The following MGAT4C variants were observed in gnomAD, a reference collection of about 807,000 sequenced individuals.
The protein encoded by MGAT4C is alpha-1,3-mannosyl-glycoprotein 4-beta-N-acetylglucosaminyltransferase C.
A neutral mutation model predicts 40.1 loss-of-function variants in MGAT4C; 19 were observed. The ratio of observed to expected loss-of-function variants is 0.47; its 90% CI spans 0.33 to 0.70. MGAT4C has a LOEUF of 0.70. MGAT4C is among the 30% of genes least tolerant of loss of function. The pLI is 0.02. For synonymous variants in MGAT4C, 181 were observed against 187.1 expected (o/e 0.97, Z 0.27); for missense variants, 491 against 563.2 (o/e 0.87, Z 1.30).
At chr12:86,163,821 A>G (rs1885881293) in intron 1 of MGAT4C, among the ~76,000 whole-genome samples, 2 of 152,170 alleles carry the variant, frequency 1.3e-5, no homozygotes, top group Admixed American at 1.3e-4. Context: ...ATTTTCATCT[A>G]TCAATCAATT....
intron 4 of MGAT4C, among the ~76,000 whole-genome samples, chr12:86,262,157 G>T (rs534846023): frequency 6.6e-6 from 1 of 151,814 alleles, no homozygotes; most frequent in Non-Finnish European, 1.5e-5. Context: ...CTTCTCCATC[G>T]CAAATGACAA....
chr12:86,303,263 G>A (rs1953858106), intron 4 of MGAT4C, among the ~76,000 whole-genome samples: 1 of 150,394 alleles, frequency 6.6e-6, no homozygotes, highest in Non-Finnish European at 1.5e-5. Context: ...GATTATGTCT[G>A]TATTCCTTTC....
intron 2 of MGAT4C, among the ~76,000 whole-genome samples, chr12:86,532,882 T>C (rs1021961234): frequency 6.6e-6 from 1 of 152,054 alleles, no homozygotes. Flanking sequence ...CTCTCAGTTA[T>C]ACCAAGCTGA....
chr12:86,511,707 A>T (rs889128089), intron 2 of MGAT4C, among the ~76,000 whole-genome samples: 2 of 152,138 alleles, frequency 1.3e-5, no homozygotes, highest in South Asian at 4.1e-4. Flanking sequence ...TATGGAAAAA[A>T]AAATTGGAAT....
chr12:86,203,024 G>GTT (rs1251412612), intron 1 of MGAT4C, among the ~76,000 whole-genome samples: 1 of 25,386 alleles, frequency 3.9e-5, no homozygotes, highest in Non-Finnish European at 1.1e-4. Flanking sequence ...CTGTGTGTGT[G>GTT]TGTGTGTGTG....
chr12:86,149,013 G>T (rs924431952), intron 1 of MGAT4C, among the ~76,000 whole-genome samples: 1 of 152,068 alleles, frequency 6.6e-6, no homozygotes, highest in Non-Finnish European at 1.5e-5. Context: ...ATCAGTGGGA[G>T]GGTCTACAAA....
At chr12:86,713,597 T>A (rs549218497) in intron 2 of MGAT4C, among the ~76,000 whole-genome samples, 15 of 152,176 alleles carry the variant, frequency 9.9e-5, no homozygotes, top group Admixed American at 3.3e-4. Context: ...TTGAGTAAAG[T>A]TAGGAAATGA....
chr12:86,114,987 T>C (rs1878151378), intron 1 of MGAT4C, among the ~76,000 whole-genome samples: 1 of 151,988 alleles, frequency 6.6e-6, no homozygotes, highest in African/African-American at 2.4e-5. Context: ...AGAATTCATC[T>C]GTTTTACTGT....
intron 2 of MGAT4C, among the ~76,000 whole-genome samples, chr12:86,510,082 G>T (rs1019179097): frequency 6.6e-6 from 1 of 152,112 alleles, no homozygotes; most frequent in Non-Finnish European, 1.5e-5. Context: ...GCCCTGGCCA[G>T]AACTTCCAAC....
intron 2 of MGAT4C, among the ~76,000 whole-genome samples, chr12:86,524,504 T>C (rs1165602322): frequency 6.6e-6 from 1 of 152,188 alleles, no homozygotes; most frequent in Non-Finnish European, 1.5e-5. Flanking sequence ...GAACACTTTT[T>C]CTTTCATTTT....
At chr12:86,719,306 C>A (rs774394561) in intron 2 of MGAT4C, among the ~76,000 whole-genome samples, 3 of 152,136 alleles carry the variant, frequency 2.0e-5, no homozygotes, top group African/African-American at 7.2e-5. Flanking sequence ...GATCCATGCA[C>A]GTAAGAAGCT....
chr12:86,310,426 T>A (rs1224254550), intron 4 of MGAT4C, among the ~76,000 whole-genome samples: 1 of 152,208 alleles, frequency 6.6e-6, no homozygotes, highest in Non-Finnish European at 1.5e-5. Flanking sequence ...GGGCCGGTGG[T>A]AGGCACCATT....
intron 2 of MGAT4C, among the ~76,000 whole-genome samples, chr12:86,727,004 CA>C (rs1950832290): frequency 6.6e-6 from 1 of 152,048 alleles, no homozygotes; most frequent in African/African-American, 2.4e-5. Flanking sequence ...CTAAGTTAAA[CA>C]TATTGAAAGG....
At chr12:86,072,108 C>T (rs1452116449) in intron 1 of MGAT4C, among the ~76,000 whole-genome samples, 1 of 151,342 alleles carries the variant, frequency 6.6e-6, no homozygotes, top group Non-Finnish European at 1.5e-5. Flanking sequence ...ACATTCTGTC[C>T]TCACAACAGC....
chr12:86,040,812 C>G lies in MGAT4C; in HGVS notation c.-7+8862G>C, dbSNP rs147527490. On this transcript the variant is annotated intron_variant, in intron 2 of 4. Coordinates refer to ENST00000611864, the MANE Select transcript of MGAT4C (RefSeq NM_001351288.2). ...GAGTTTTGTGCTGTAATCCGAGGAT[C>G]CTGGTGGTGTGGGCACTGGAGTGAA... 1.8e-3 allele frequency among the ~76,000 whole-genome samples: 267 copies of G among 152,288 alleles called. 1 individual carries two copies. Among genetic ancestry groups the G allele is most frequent in the African/African-American group, 6.1e-3 (252 of 41,564 alleles).
intron 2 of MGAT4C, among the ~76,000 whole-genome samples, chr12:86,577,100 C>G (rs1960594348): frequency 6.6e-6 from 1 of 151,324 alleles, no homozygotes. Flanking sequence ...CTTTTTATTT[C>G]TTTTTCACAT....
chr12:86,232,463 C>G (rs1951362758), intron 1 of MGAT4C, among the ~76,000 whole-genome samples: 1 of 152,086 alleles, frequency 6.6e-6, no homozygotes, highest in Non-Finnish European at 1.5e-5. Flanking sequence ...AGATCTGATG[C>G]CAGTGTGTTT....
intron 2 of MGAT4C, among the ~76,000 whole-genome samples, chr12:86,043,940 G>A (rs1042870263): frequency 1.3e-5 from 2 of 152,150 alleles, no homozygotes; most frequent in Non-Finnish European, 2.9e-5. Context: ...TGAGGTGAGA[G>A]GACACTTTAG....
In MGAT4C at chr12:85,979,016, C is replaced by T. The variant is rs900419143; in HGVS notation, c.*273G>A. On this transcript the variant is annotated 3_prime_UTR_variant, in exon 5 of 5. Transcript: ENST00000611864. ...TTTAAAATCTTTCATATTACCCTTT[C>T]GACAATCAGTTGAAATTTTAAAACT... 9 of 233,932 alleles carry T rather than the reference C, an allele frequency of 3.8e-5. No homozygotes were observed. Among genetic ancestry groups the T allele is most frequent in the East Asian group, 8.5e-5 (1 of 11,748 alleles). The allele number at this position is 233,932 out of a possible 1,614,324, so 14.5% of individuals were successfully genotyped here. A position where few individuals can be genotyped will look rare whatever the true frequency, so the allele number is the denominator to read the frequency against.
Sources: gnomAD v4.1 joint callset for allele counts (sites outside exome capture counted in the v4.1 genomes callset) on GRCh38, gnomAD v4.1.1 for gene constraint, MANE v1.5 for transcripts, NCBI Gene and HGNC (gene_info 2026-07-23, HGNC 2026-07-21) for gene names.